The following EIF4G3 variants were observed in gnomAD, a reference collection of about 807,000 sequenced individuals.
The protein encoded by EIF4G3 is eukaryotic translation initiation factor 4 gamma 3, also known as eIF-4-gamma 3.
A neutral mutation model predicts 186.4 loss-of-function variants in EIF4G3; 34 were observed. The observed-to-expected ratio is 0.18, with a 90% confidence interval of 0.14 to 0.24. The LOEUF is 0.24. Among genes scored for constraint, EIF4G3 ranks in the 10% least tolerant of loss-of-function variants. The pLI is 1.00. For synonymous variants in EIF4G3, 673 were observed against 679.5 expected (o/e 0.99, Z 0.15); for missense variants, 1,536 against 1,948.5 (o/e 0.79, Z 3.99).
intron 3 of EIF4G3, among the ~76,000 whole-genome samples, chr1:21,084,250 A>T (rs1275376177): frequency 6.6e-6 from 1 of 151,882 alleles, no homozygotes; most frequent in African/African-American, 2.4e-5. Context: ...AAAAAAAAGA[A>T]AGAAAAAAAA....
chr1:21,073,762 T>G (rs1352896700), intron 3 of EIF4G3: 1 of 436,810 alleles, frequency 2.3e-6, no homozygotes, highest in Non-Finnish European at 4.6e-6. Flanking sequence ...TATTGTCACA[T>G]GCTGGATCAT....
chr1:21,012,616 A>T (rs1441464511), intron 4 of EIF4G3, among the ~76,000 whole-genome samples: 1 of 152,216 alleles, frequency 6.6e-6, no homozygotes, highest in Non-Finnish European at 1.5e-5. Context: ...ACTGGAGAAC[A>T]GAAGCCAATA....
intron 34 of EIF4G3, among the ~76,000 whole-genome samples, chr1:20,816,323 C>T (rs530556673): frequency 0.023 from 17 of 752 alleles, 2 homozygotes; most frequent in African/African-American, 0.1. Flanking sequence ...GGGAGGGAGG[C>T]GGGGGGGGGG....
chr1:20,829,374 T>G (rs2064500429), intron 30 of EIF4G3, 102 bp from the exon 31 acceptor site: 4 of 1,324,216 alleles, frequency 3.0e-6, no homozygotes, highest in Admixed American at 2.1e-5. Flanking sequence ...ATTAATCACC[T>G]GCTATGTTAG....
At chr1:21,054,174 A>T (rs1477165856) in intron 3 of EIF4G3, among the ~76,000 whole-genome samples, 1 of 151,724 alleles carries the variant, frequency 6.6e-6, no homozygotes, top group African/African-American at 2.4e-5. Flanking sequence ...CCTTACCCCC[A>T]ACCCTGTGCT....
intron 14 of EIF4G3, among the ~76,000 whole-genome samples, chr1:20,932,405 C>T (rs1046065636): frequency 1.3e-5 from 2 of 152,144 alleles, no homozygotes; most frequent in African/African-American, 4.8e-5. Flanking sequence ...TTTTCCTTTG[C>T]ATTCACAACT....
chr1:20,818,468 G>A (rs11583731), intron 33 of EIF4G3, among the ~76,000 whole-genome samples: 3,380 of 152,078 alleles, frequency 0.022, 114 homozygotes, highest in African/African-American at 0.075. Flanking sequence ...GCAAAACCCC[G>A]TCTCTACCAA....
intron 3 of EIF4G3, among the ~76,000 whole-genome samples, chr1:21,052,339 T>C (rs1305143389): frequency 6.6e-6 from 1 of 152,198 alleles, no homozygotes; most frequent in African/African-American, 2.4e-5. Context: ...GGCAGTTCTG[T>C]CCTCTGCTAA....
chr1:20,823,696 CTT>C (rs2062945366), intron 33 of EIF4G3, among the ~76,000 whole-genome samples: 2 of 152,096 alleles, frequency 1.3e-5, no homozygotes, highest in African/African-American at 2.4e-5. Context: ...TTTCAAATCT[CTT>C]TAACCATTTT....
intron 12 of EIF4G3, among the ~76,000 whole-genome samples, chr1:20,955,975 C>T (rs572802008): frequency 6.6e-6 from 1 of 152,178 alleles, no homozygotes; most frequent in African/African-American, 2.4e-5. Flanking sequence ...CTGAAGTGTT[C>T]TCATAATATA....
intron 2 of EIF4G3, 182 bp downstream of exon 2, chr1:21,175,993 C>T: frequency 3.8e-6 from 1 of 264,142 alleles, no homozygotes. Flanking sequence ...TCTGGGGGTC[C>T]CCCCGCAGTG....
chr1:20,917,427 A>G (rs955876162), intron 14 of EIF4G3, among the ~76,000 whole-genome samples: 12 of 152,358 alleles, frequency 7.9e-5, no homozygotes, highest in African/African-American at 2.6e-4. Flanking sequence ...GGATGTGTTG[A>G]ACCTGGGAGG....
rs763400518 is a variant in EIF4G3 at position 20,899,785 on chromosome 1, A to G, written c.1911T>C (p.Ala637=). The change falls in exon 16 of 37, where the codon GCT becomes GCC. Residue 637 remains alanine, a synonymous_variant. Coordinates refer to ENST00000602326, the MANE Select transcript of EIF4G3 (RefSeq NM_001391906.1). ...GEEAEPVRNG[A]ESVSEGEGID... is the part of the protein sequence containing the mutation. ...TTCCTTCACCCTCAGAAACACTCTCAGCACCATTACGTACTGGCTCAGCTT... is the reference window on the plus strand; with the variant it reads ...TTCCTTCACCCTCAGAAACACTCTCGGCACCATTACGTACTGGCTCAGCTT... 54 of 1,614,014 alleles carry G rather than the reference A, an allele frequency of 3.3e-5. No individual in the cohort carries two copies. In the South Asian group the frequency reaches 5.8e-4, roughly 17 times the overall value.
chr1:20,843,818 T>C (rs183273090), intron 29 of EIF4G3, among the ~76,000 whole-genome samples: 1 of 152,316 alleles, frequency 6.6e-6, no homozygotes, highest in East Asian at 1.9e-4. Flanking sequence ...CCTTCTGTCC[T>C]CCAGTAGGCC....
chr1:20,875,927 A>G (rs892390930), intron 20 of EIF4G3, among the ~76,000 whole-genome samples: 3 of 151,964 alleles, frequency 2.0e-5, no homozygotes, highest in African/African-American at 7.3e-5. Flanking sequence ...AAGGGGAAGG[A>G]AAAGAAGAAA....
At chr1:21,053,437 C>CCG (rs1157155942) in intron 3 of EIF4G3, among the ~76,000 whole-genome samples, 2 of 150,596 alleles carry the variant, frequency 1.3e-5, no homozygotes, top group Non-Finnish European at 1.5e-5. Context: ...GCCCACCCCC[C>CCG]GGCCAGCCGC....
intron 2 of EIF4G3, among the ~76,000 whole-genome samples, chr1:21,095,515 A>G (rs2096342446): frequency 6.6e-6 from 1 of 152,002 alleles, no homozygotes; most frequent in Non-Finnish European, 1.5e-5. Flanking sequence ...GTCTCCCTAT[A>G]TTGCCCAGGC....
At chr1:21,158,947 A>G (rs908821872) in intron 2 of EIF4G3, among the ~76,000 whole-genome samples, 1 of 152,110 alleles carries the variant, frequency 6.6e-6, no homozygotes, top group African/African-American at 2.4e-5. Flanking sequence ...AGTACAATCT[A>G]TACATAAAAG....
At chr1:20,892,617 A>C in intron 18 of EIF4G3, 1 of 1,525,542 alleles carries the variant, frequency 6.6e-7, no homozygotes, top group Non-Finnish European at 8.8e-7. Flanking sequence ...TGTTCAGCGC[A>C]CCCCTAGAGG....
Sources: allele counts gnomAD v4.1 joint callset (sites outside exome capture counted in the v4.1 genomes callset), GRCh38; gene constraint gnomAD v4.1.1; transcripts MANE v1.5; gene names NCBI Gene and HGNC (gene_info 2026-07-23, HGNC 2026-07-21).